Variants in SLC9A8 observed in about 807,000 individuals in gnomAD.
The protein encoded by SLC9A8 is sodium/hydrogen exchanger 8.
In SLC9A8, 48 loss-of-function variants were observed where a neutral mutation model predicts 66.6. The observed-to-expected ratio is 0.72, with a 90% CI of 0.57 to 0.92. SLC9A8 has a LOEUF of 0.92. SLC9A8 is among the 40% of genes least tolerant of loss of function. The probability of loss-of-function intolerance (pLI) is 0.00; values close to 1 mark genes in which losing one functional copy is unlikely to be tolerated. For synonymous variants in SLC9A8, 274 were observed against 282.6 expected (o/e 0.97, Z 0.31); for missense variants, 599 against 747.3 (o/e 0.80, Z 2.31).
intron 8 of SLC9A8, among the ~76,000 whole-genome samples, chr20:49,859,482 CTTT>C (rs3092482): frequency 1.5e-4 from 21 of 143,604 alleles, no homozygotes; most frequent in East Asian, 4.0e-4. Flanking sequence ...CCCCCTCCAC[CTTT>C]TTTTTTTTTT....
intron 14 of SLC9A8, chr20:49,884,296 A>ACACACACGCGCG (rs1382400251): frequency 6.4e-5 from 19 of 297,802 alleles, no homozygotes; most frequent in Non-Finnish European, 1.1e-4. Flanking sequence ...CACGACACAC[A>ACACACACGCGCG]CACACACACA....
chr20:49,865,264 CA>C (rs1272031847), intron 10 of SLC9A8, among the ~76,000 whole-genome samples: 1 of 152,114 alleles, frequency 6.6e-6, no homozygotes, highest in Non-Finnish European at 1.5e-5. Flanking sequence ...GTCTTGGAGT[CA>C]AGAACTAGTG....
At chr20:49,829,435 A>G (rs1217985060) in intron 3 of SLC9A8, 2 of 183,732 alleles carry the variant, frequency 1.1e-5, no homozygotes, top group Non-Finnish European at 2.2e-5. Flanking sequence ...AGGCAGGAGA[A>G]TAGCATGAAC....
chr20:49,833,212 C>T (rs1189690406), intron 3 of SLC9A8, among the ~76,000 whole-genome samples: 1 of 152,120 alleles, frequency 6.6e-6, no homozygotes, highest in Non-Finnish European at 1.5e-5. Flanking sequence ...CGTGTCCTTC[C>T]CTTTTAAGCA....
intron 13 of SLC9A8, among the ~76,000 whole-genome samples, chr20:49,882,117 TCTC>T (rs3830781): frequency 0.036 from 5,514 of 152,138 alleles, 143 homozygotes; most frequent in East Asian, 0.087. Context: ...AATCAGAGCT[TCTC>T]CTCCTTCCCA....
chr20:49,845,129 A>G lies in SLC9A8; in HGVS notation c.432+10A>G. 6 of 1,588,046 alleles carry G rather than the reference A, an allele frequency of 3.8e-6. 1 individual carries two copies. Among genetic ancestry groups the G allele is most frequent in the Non-Finnish European group, 5.2e-6 (6 of 1,156,336 alleles). ...ATATTCATTACACAAGGTGAGACTC[A>G]GGCACACATTGGTGCTTTGGTCTGG... On this transcript the variant is annotated intron_variant, in intron 5 of 15. Coordinates refer to ENST00000361573, the MANE Select transcript of SLC9A8 (RefSeq NM_015266.3).
At position 49,849,677 on chromosome 20, in the gene SLC9A8, T is replaced by G; in HGVS notation, c.531T>G (p.Gly177=). The G allele has an allele frequency of 6.2e-7, 1 of 1,605,530 alleles. No homozygotes were observed. The change falls in exon 6 of 16, where the codon GGT becomes GGG. Residue 177 remains glycine, a synonymous_variant. Coordinates refer to ENST00000361573, the MANE Select transcript of SLC9A8 (RefSeq NM_015266.3). ...FVVGGGIYFL[G]QADVISKLNM... is the part of the protein sequence containing the mutation. Reference sequence around the variant, plus strand: ...TAGGTGGAGGAATTTATTTTCTGGGTCAGGTAAGAAAATCATCTTTGAAAC... The same window carrying G: ...TAGGTGGAGGAATTTATTTTCTGGGGCAGGTAAGAAAATCATCTTTGAAAC...
At chr20:49,865,389 TG>T (rs1234225647) in intron 10 of SLC9A8, among the ~76,000 whole-genome samples, 1 of 152,178 alleles carries the variant, frequency 6.6e-6, no homozygotes, top group Non-Finnish European at 1.5e-5. Context: ...GGGCGTTTAT[TG>T]GACACACTTT....
At chr20:49,823,273 C>A in intron 3 of SLC9A8, 132 bp downstream of exon 3, 1 of 748,430 alleles carries the variant, frequency 1.3e-6, no homozygotes, top group Non-Finnish European at 2.4e-6. Flanking sequence ...CTGCAACCTG[C>A]CCTAAGGGTG....
intron 2 of SLC9A8, among the ~76,000 whole-genome samples, chr20:49,819,542 G>A (rs1052911042): frequency 1.4e-5 from 2 of 148,084 alleles, no homozygotes; most frequent in South Asian, 4.2e-4. Context: ...TTTTTTTTTT[G>A]TAGTAAATAC....
intron 9 of SLC9A8, among the ~76,000 whole-genome samples, chr20:49,863,581 G>A (rs1057039118): frequency 1.3e-5 from 2 of 152,192 alleles, no homozygotes; most frequent in African/African-American, 2.4e-5. Context: ...AAAATAAAAT[G>A]CCAAATAGAG....
At chr20:49,836,487 G>A (rs1225247066) in intron 3 of SLC9A8, among the ~76,000 whole-genome samples, 1 of 151,998 alleles carries the variant, frequency 6.6e-6, no homozygotes, top group Non-Finnish European at 1.5e-5. Flanking sequence ...ATACCACCAT[G>A]CGCAGATAAT....
Position 49,886,288 on chromosome 20 carries a change from C to T in SLC9A8, c.1492-464C>T, listed in dbSNP as rs142855064. On this transcript the variant is annotated intron_variant, in intron 14 of 15. Transcript: ENST00000361573. The surrounding 1 kb of genome is among the most constrained non-coding windows in gnomAD (Gnocchi z 4.8). ...CATGGGGTCCTTTTCTTCGTCCCTC[C>T]CCAATTCCTACAGGATGTGTTCCTC... 6.8e-4 allele frequency: 104 copies of T among 153,116 alleles called. No homozygotes were observed. The highest frequency in any genetic ancestry group is 1.3e-3 in the Non-Finnish European group (91 of 68,588). 9.5% of individuals were successfully genotyped at this position (153,116 alleles called of 1,614,324 possible).
chr20:49,875,657 C>T (rs1291444569), intron 11 of SLC9A8, among the ~76,000 whole-genome samples: 2 of 152,184 alleles, frequency 1.3e-5, no homozygotes, highest in Non-Finnish European at 2.9e-5. Context: ...GAACAGCTCT[C>T]ACCATGTCCC....
intron 4 of SLC9A8, among the ~76,000 whole-genome samples, chr20:49,841,221 G>A (rs1371515702): frequency 6.6e-6 from 1 of 151,536 alleles, no homozygotes; most frequent in Non-Finnish European, 1.5e-5. Flanking sequence ...CAGGAGGATC[G>A]CTTGAGCCCA....
chr20:49,883,892 G>A lies in SLC9A8; in HGVS notation c.1317G>A (p.Leu439=). 1 of 1,610,084 alleles carries A rather than the reference G, an allele frequency of 6.2e-7. No homozygotes were observed. Among genetic ancestry groups the A allele is most frequent in the Non-Finnish European group, 8.5e-7 (1 of 1,179,986 alleles). ...ATGCCCTGAGCCTACACCTGGACCT[G>A]GAGCCCATGGAGAAGCGGCAGCTCA... ...IPYALSLHLD[L]EPMEKRQLIG... is the part of the protein sequence containing the mutation. Residue 439 remains leucine (L), a synonymous_variant, in exon 14 of 16, where the codon CTG becomes CTA. Coordinates refer to ENST00000361573, the MANE Select transcript of SLC9A8 (RefSeq NM_015266.3).
At chr20:49,839,810 G>A (rs752533952) in intron 4 of SLC9A8, among the ~76,000 whole-genome samples, 2 of 152,022 alleles carry the variant, frequency 1.3e-5, no homozygotes, top group South Asian at 2.1e-4. Flanking sequence ...GAACATGGGC[G>A]CCAATGTCAT....
intron 3 of SLC9A8, among the ~76,000 whole-genome samples, chr20:49,827,269 A>G (rs1043760649): frequency 3.3e-5 from 5 of 150,796 alleles, no homozygotes; most frequent in African/African-American, 1.2e-4. Context: ...TGGCTGTGTA[A>G]TGCTGATTCA....
rs775516633 is a variant in SLC9A8 at position 49,823,031 on chromosome 20, T to A, written c.209-30T>A. On this transcript the variant is annotated intron_variant, in intron 2 of 15. Coordinates refer to ENST00000361573, the MANE Select transcript of SLC9A8 (RefSeq NM_015266.3). ...ATCATTCAGAATTGAGTGTTTTTTT[T>A]AAAACATTGTATTATTTTTTTTTCC... 5.9e-5 allele frequency: 93 copies of A among 1,568,304 alleles called. No homozygotes were observed. The Middle Eastern group carries it at 1.2e-3, about 21-fold the overall frequency.
Sources: gnomAD v4.1 joint callset for allele counts (sites outside exome capture counted in the v4.1 genomes callset) on GRCh38, gnomAD v4.1.1 for gene constraint, Gnocchi (gnomAD v3.1) non-coding constraint, MANE v1.5 for transcripts, NCBI Gene and HGNC (gene_info 2026-07-23, HGNC 2026-07-21) for gene names.